The following PWWP2B variants were observed in gnomAD, a reference collection of about 807,000 sequenced individuals.
PWWP2B encodes PWWP domain containing 2B, also known as PWWP domain-containing protein 2B.
PWWP2B carries 9 observed loss-of-function variants against 15.5 expected under a neutral mutation model. The ratio of observed to expected loss-of-function variants is 0.58; its 90% CI spans 0.35 to 1.02. The LOEUF (loss-of-function observed/expected upper bound fraction) is 1.02. PWWP2B is among the 50% of genes least tolerant of loss of function. The pLI, the probability that PWWP2B is intolerant of heterozygous loss-of-function variation, is 0.02. For missense variants in PWWP2B, 864 were observed against 865.3 expected, an observed-to-expected ratio of 1.00 and a Z score of 0.02; for synonymous variants, 474 against 403.6, an observed-to-expected ratio of 1.17 and a Z score of -2.09.
chr10:132,402,265 G>A (rs1028920964), intron 1 of PWWP2B, among the ~76,000 whole-genome samples: 2 of 152,232 alleles, frequency 1.3e-5, no homozygotes, highest in Non-Finnish European at 2.9e-5. Context: ...CCACAACCCC[G>A]AGTGGTCAGG....
Position 132,404,650 on chromosome 10 carries a change from G to T in PWWP2B, c.150G>T (p.Pro50=). The T allele has an allele frequency of 6.2e-7, 1 of 1,612,782 alleles. No homozygotes were observed. The highest frequency in any genetic ancestry group is 1.1e-5 in the South Asian group (1 of 91,070). ...TKKSGLFGLP[P]LAPLPQVDES... is the part of the protein sequence containing the mutation. ...GGTCCGGCCTCTTTGGCCTACCCCC[G>T]TTGGCTCCGCTGCCCCAGGTCGATG... Residue 50 remains proline, a synonymous_variant, in exon 2 of 3, where the codon CCG becomes CCT. Coordinates refer to ENST00000305233, the MANE Select transcript of PWWP2B (RefSeq NM_138499.4).
chr10:132,397,586 C>CG (rs2069554606), intron 1 of PWWP2B, among the ~76,000 whole-genome samples: 1 of 135,626 alleles, frequency 7.4e-6, no homozygotes, highest in Non-Finnish European at 1.6e-5. Context: ...CGGGGCGGGC[C>CG]GGGGCGGGGG....
intron 1 of PWWP2B, among the ~76,000 whole-genome samples, chr10:132,402,551 G>A (rs186503582): frequency 3.9e-5 from 6 of 152,386 alleles, no homozygotes; most frequent in Non-Finnish European, 8.8e-5. Flanking sequence ...GCACATGGAC[G>A]TGCTTCTGTG....
At position 132,417,823 on chromosome 10, in the gene PWWP2B, T is replaced by C. The variant is rs2069883173; in HGVS notation, c.*779T>C. On this transcript the variant is annotated 3_prime_UTR_variant, in exon 3 of 3. Coordinates refer to ENST00000305233, the MANE Select transcript of PWWP2B (RefSeq NM_138499.4). ...TTCCTTTTCCTCTTTTTTGTCACTT[T>C]AAAGACCAAAAAGAATAAAGAAAGA... 1 of 152,256 alleles carries C rather than the reference T, an allele frequency of 6.6e-6. No homozygotes were observed. The highest frequency in any genetic ancestry group is 2.4e-5 in the African/African-American group (1 of 41,462). 9.4% of individuals were successfully genotyped at this position (152,256 alleles called of 1,614,324 possible). A position where few individuals can be genotyped will look rare whatever the true frequency, so the allele number is the denominator to read the frequency against.
chr10:132,412,867 C>T (rs867050741), intron 2 of PWWP2B, among the ~76,000 whole-genome samples: 8 of 152,348 alleles, frequency 5.3e-5, no homozygotes, highest in Middle Eastern at 3.4e-3. Context: ...CGTGAAAGCG[C>T]ACATGTTTGC....
Position 132,405,414 on chromosome 10 carries a change from C to A in PWWP2B, c.914C>A (p.Pro305Gln). ...CTGGACAGAGAGTCCCGGGACCGGC[C>A]GTCCTGCGCGCCCTCGGCCTCCATC... The part of the protein sequence containing the change: ...EVLDRESRDR[P>Q]SCAPSASIPK... The change falls in exon 2 of 3, where the codon CCG (proline) becomes CAG (glutamine). Residue 305 changes from proline to glutamine, a missense_variant. Pro to Gln is a moderately conservative substitution (Grantham distance 76). Coordinates refer to ENST00000305233, the MANE Select transcript of PWWP2B (RefSeq NM_138499.4). 1.2e-6 allele frequency: 2 copies of A among 1,610,790 alleles called. No homozygotes were observed. The highest frequency in any genetic ancestry group is 1.7e-6 in the Non-Finnish European group (2 of 1,179,240).
At chr10:132,398,017 G>A (rs1291133066) in intron 1 of PWWP2B, among the ~76,000 whole-genome samples, 1 of 152,210 alleles carries the variant, frequency 6.6e-6, no homozygotes, top group Non-Finnish European at 1.5e-5. Context: ...CGGGCTGCAG[G>A]GACCCATGCG....
rs770169468 is a variant in PWWP2B, at chr10:132,405,908, G to T, written c.1408G>T (p.Val470Phe). The change falls in exon 2 of 3, where the codon GTC (valine) becomes TTC (phenylalanine). Residue 470 changes from valine to phenylalanine, a missense_variant. Physicochemically the swap from Val to Phe is conservative, Grantham distance 50. Transcript: ENST00000305233. ...EARQTVPPLT[V>F]RLHTQSVSEC... ...TCGCCAAACGGTGCCGCCCCTGACG[G>T]TCAGGCTGCACACACAGAGCGTGTC... 1.2e-6 allele frequency: 2 copies of T among 1,612,218 alleles called. No individual in the cohort carries two copies. Among genetic ancestry groups the T allele is most frequent in the African/African-American group, 1.3e-5 (1 of 74,930 alleles).
intron 1 of PWWP2B, among the ~76,000 whole-genome samples, chr10:132,398,679 A>G (rs921005481): frequency 6.6e-6 from 1 of 151,166 alleles, no homozygotes; most frequent in Non-Finnish European, 1.5e-5. Flanking sequence ...CTGGTTTGCA[A>G]ATCTACACCA....
At chr10:132,412,165 G>T (rs1003475994) in intron 2 of PWWP2B, among the ~76,000 whole-genome samples, 2 of 152,234 alleles carry the variant, frequency 1.3e-5, no homozygotes, top group Non-Finnish European at 2.9e-5. Context: ...TGCTTCTCAG[G>T]GGGTCAGATG....
At chr10:132,413,275 TAAC>T (rs1355793736) in intron 2 of PWWP2B, among the ~76,000 whole-genome samples, 2 of 152,246 alleles carry the variant, frequency 1.3e-5, no homozygotes, top group African/African-American at 4.8e-5. Flanking sequence ...ATTTAAAATA[TAAC>T]AACATAATGT....
intron 2 of PWWP2B, among the ~76,000 whole-genome samples, chr10:132,409,321 G>A (rs926139157): frequency 2.0e-5 from 3 of 152,228 alleles, no homozygotes; most frequent in African/African-American, 7.2e-5. Flanking sequence ...TGAGGTCCGG[G>A]GCGGGGGCAG....
At position 132,405,726 on chromosome 10, in the gene PWWP2B, G is replaced by A; in HGVS notation, c.1226G>A (p.Ser409Asn). 1 of 1,610,558 alleles carries A rather than the reference G, an allele frequency of 6.2e-7. No homozygotes were observed. The highest frequency in any genetic ancestry group is 8.5e-7 in the Non-Finnish European group (1 of 1,179,896). ...QGREGLAFLV[S>N]CPEGRADCAS... is the part of the protein sequence containing the mutation. ...CGCGAGGGCTTGGCTTTTCTCGTCAGCTGCCCTGAGGGGAGAGCGGACTGT... is the reference window on the plus strand; with the variant it reads ...CGCGAGGGCTTGGCTTTTCTCGTCAACTGCCCTGAGGGGAGAGCGGACTGT... Residue 409 changes from serine to asparagine, a missense_variant, in exon 2 of 3, where the codon AGC (serine) becomes AAC (asparagine). Physicochemically the swap from Ser to Asn is conservative, Grantham distance 46. Coordinates refer to ENST00000305233, the MANE Select transcript of PWWP2B (RefSeq NM_138499.4).
chr10:132,416,953 A>T, intron 2 of PWWP2B, 108 bp from the exon 3 acceptor site: 2 of 1,174,382 alleles, frequency 1.7e-6, no homozygotes, highest in South Asian at 2.5e-5. Flanking sequence ...GTCCCGGGTG[A>T]GCCTCAGGCC....
Position 132,404,655 on chromosome 10 carries a change from C to T in PWWP2B, c.155C>T (p.Ala52Val). The change falls in exon 2 of 3, where the codon GCT becomes GTT. Residue 52 changes from alanine (A) to valine (V), a missense_variant. By Grantham distance (64) the Ala-to-Val change is moderately conservative. Coordinates refer to ENST00000305233, the MANE Select transcript of PWWP2B (RefSeq NM_138499.4). ...GGCCTCTTTGGCCTACCCCCGTTGG[C>T]TCCGCTGCCCCAGGTCGATGAGTCC... ...KSGLFGLPPLAPLPQVDESPV... is the reference protein window; with the variant it reads ...KSGLFGLPPLVPLPQVDESPV... 1 of 1,612,950 alleles carries T rather than the reference C, an allele frequency of 6.2e-7. No individual in the cohort carries two copies. Among genetic ancestry groups the T allele is most frequent in the Non-Finnish European group, 8.5e-7 (1 of 1,179,844 alleles).
chr10:132,410,961 C>G (rs868380063), intron 2 of PWWP2B, among the ~76,000 whole-genome samples: 16 of 152,330 alleles, frequency 1.1e-4, no homozygotes, highest in Middle Eastern at 3.4e-3. Flanking sequence ...GCGTACCCAG[C>G]ACAGCCTCCG....
rs1464115446 is a variant in PWWP2B at position 132,404,599 on chromosome 10, CTG to C, written c.126-24_126-23del. The C allele has an allele frequency of 3.1e-6, 5 of 1,596,244 alleles. No homozygotes were observed. The African/African-American group carries it at 6.7e-5, about 21-fold the overall frequency. On this transcript the variant is annotated intron_variant, in intron 1 of 2. Transcript: ENST00000305233. ...GCAGATGTGCCAGGGTCCCTTCTCACTGTGGTTTCTCTCTCTCCATTGCCAGG... is the reference window on the plus strand; with the variant it reads ...GCAGATGTGCCAGGGTCCCTTCTCACTGGTTTCTCTCTCTCCATTGCCAGG...
intron 1 of PWWP2B, among the ~76,000 whole-genome samples, chr10:132,400,030 A>G (rs951270937): frequency 6.6e-6 from 1 of 152,070 alleles, no homozygotes; most frequent in East Asian, 1.9e-4. Flanking sequence ...CACACTGAGA[A>G]CCCCAGACAC....
chr10:132,415,570 CA>C, intron 2 of PWWP2B, among the ~76,000 whole-genome samples: 1 of 149,500 alleles, frequency 6.7e-6, no homozygotes. Context: ...AACACACATA[CA>C]CACACATCCA....
Sources: gnomAD v4.1 joint callset for allele counts (sites outside exome capture counted in the v4.1 genomes callset) on GRCh38, gnomAD v4.1.1 for gene constraint, MANE v1.5 for transcripts, NCBI Gene and HGNC (gene_info 2026-07-23, HGNC 2026-07-21) for gene names.